The following HIP1 variants were observed in gnomAD, a reference collection of about 807,000 sequenced individuals.
HIP1 encodes the protein huntingtin interacting protein 1.
HIP1 carries 65 observed loss-of-function variants against 147.6 expected under a neutral mutation model. The observed-to-expected ratio is 0.44, with a 90% CI of 0.36 to 0.54. The LOEUF is 0.54. HIP1 is among the 20% of genes least tolerant of loss of function. The pLI, the probability that HIP1 is intolerant of heterozygous loss-of-function variation, is 0.00. For synonymous variants in HIP1, 479 were observed against 504.0 expected (o/e 0.95, Z 0.67); for missense variants, 1,061 against 1,299.6 (o/e 0.82, Z 2.82).
chr7:75,697,806 C>T (rs529776901), intron 1 of HIP1, among the ~76,000 whole-genome samples: 6 of 152,142 alleles, frequency 3.9e-5, no homozygotes, highest in Admixed American at 2.0e-4. Flanking sequence ...AGCGAGACTC[C>T]GTCTCAAAAA....
chr7:75,709,109 C>CTTTTTTT (rs55720152), intron 1 of HIP1, among the ~76,000 whole-genome samples: 2 of 131,438 alleles, frequency 1.5e-5, no homozygotes, highest in Non-Finnish European at 3.2e-5. Flanking sequence ...TTTTTCTTTT[C>CTTTTTTT]TTTTTTTTTT....
At chr7:75,655,801 T>C (rs1182527516) in intron 1 of HIP1, among the ~76,000 whole-genome samples, 1 of 152,010 alleles carries the variant, frequency 6.6e-6, no homozygotes, top group Admixed American at 6.6e-5. Context: ...TAGATGTAAT[T>C]AATGCCACTG....
At chr7:75,738,775 G>A (rs782299530) in intron 1 of HIP1, 26 bp downstream of exon 1, 71 of 1,595,564 alleles carry the variant, frequency 4.4e-5, no homozygotes, top group Middle Eastern at 1.6e-4. Flanking sequence ...GTGCCCCAGG[G>A]ATGCCCCGGG....
At chr7:75,725,208 T>C (rs1801616046) in intron 1 of HIP1, among the ~76,000 whole-genome samples, 1 of 152,072 alleles carries the variant, frequency 6.6e-6, no homozygotes, top group African/African-American at 2.4e-5. Flanking sequence ...AATCTTTTTG[T>C]AGAGACAGGG....
intron 1 of HIP1, among the ~76,000 whole-genome samples, chr7:75,640,944 TG>T (rs1798632100): frequency 6.6e-6 from 1 of 151,972 alleles, no homozygotes; most frequent in Non-Finnish European, 1.5e-5. Context: ...CTGTCAAAGC[TG>T]AGTTCTTATC....
At chr7:75,653,025 C>T (rs1799043554) in intron 1 of HIP1, among the ~76,000 whole-genome samples, 1 of 151,998 alleles carries the variant, frequency 6.6e-6, no homozygotes, top group African/African-American at 2.4e-5. Flanking sequence ...ACAGGGTGCC[C>T]AGATATTTGG....
At chr7:75,573,040 G>C (rs1795704012) in intron 8 of HIP1, among the ~76,000 whole-genome samples, 1 of 152,196 alleles carries the variant, frequency 6.6e-6, no homozygotes, top group South Asian at 2.1e-4. Flanking sequence ...TGGGTGAAAG[G>C]GCGGGTCCCC....
rs1554503109 is a variant in HIP1 at position 75,602,332 on chromosome 7, T to TTTC, written c.121-3086_121-3085insGAA. On this transcript the variant is annotated intron_variant, in intron 1 of 30. Transcript: ENST00000336926. ...TTTTTTTTTTTTTTTTTTTTTTTTT[T>TTTC]CAAAAGAGATAGGGTTTCGCTGTCT... Among the ~76,000 whole-genome samples the TTTC allele has an allele frequency of 6.0e-5, 7 of 116,068 alleles. 2 individuals are homozygous for TTTC. Among genetic ancestry groups the TTTC allele is most frequent in the African/African-American group, 1.0e-4 (3 of 29,938 alleles). The allele number at this position is 116,068 out of a possible 152,430, so 76.1% of individuals were successfully genotyped here.
chr7:75,591,932 C>A, intron 4 of HIP1, 124 bp downstream of exon 4: 5 of 819,774 alleles, frequency 6.1e-6, no homozygotes, highest in Non-Finnish European at 1.1e-5. Flanking sequence ...GTCTCTGGCA[C>A]CCATGGGAGA....
chr7:75,603,523 T>C (rs1797092081), intron 1 of HIP1, among the ~76,000 whole-genome samples: 1 of 152,010 alleles, frequency 6.6e-6, no homozygotes, highest in South Asian at 2.1e-4. Flanking sequence ...AAGAATGACA[T>C]GCGATGCTTC....
At chr7:75,662,561 A>G (rs1799354193) in intron 1 of HIP1, among the ~76,000 whole-genome samples, 1 of 152,126 alleles carries the variant, frequency 6.6e-6, no homozygotes, top group African/African-American at 2.4e-5. Context: ...GCTGGAGTGC[A>G]GTTGCGTGAT....
At chr7:75,555,883 A>G in intron 18 of HIP1, 143 bp downstream of exon 18, 1 of 982,172 alleles carries the variant, frequency 1.0e-6, no homozygotes, top group Non-Finnish European at 1.5e-6. Flanking sequence ...TGCTGGCATT[A>G]CACCTACAGA....
chr7:75,552,815 G>A (rs587764365), intron 22 of HIP1, among the ~76,000 whole-genome samples: 12 of 151,974 alleles, frequency 7.9e-5, no homozygotes, highest in South Asian at 4.1e-4. Flanking sequence ...CTAACAGCCA[G>A]TGAATTAAAT....
intron 29 of HIP1, among the ~76,000 whole-genome samples, chr7:75,539,758 C>T (rs1054125313): frequency 2.2e-4 from 33 of 152,204 alleles, no homozygotes; most frequent in African/African-American, 8.0e-4. Context: ...TTCTCCCATT[C>T]ATTTATCTAT....
intron 8 of HIP1, among the ~76,000 whole-genome samples, chr7:75,571,216 C>T (rs1164250058): frequency 1.3e-5 from 2 of 152,110 alleles, no homozygotes; most frequent in Non-Finnish European, 2.9e-5. Context: ...TGTGCACCAC[C>T]ATGCCCAGCT....
chr7:75,561,038 T>C (rs1795211628), intron 13 of HIP1, among the ~76,000 whole-genome samples: 1 of 151,550 alleles, frequency 6.6e-6, no homozygotes, highest in Admixed American at 6.6e-5. Context: ...CTGCAACCTC[T>C]GCCTCCCAAG....
At position 75,629,700 on chromosome 7, in the gene HIP1, G is replaced by A. The variant is rs587681366; in HGVS notation, c.121-30453C>T. ...TGGGATTACAGGCGTGAGCCACCAC[G>A]CCCAGCTAATTTTGTATTTTTAGTA... On this transcript the variant is annotated intron_variant, in intron 1 of 30. Coordinates refer to ENST00000336926, the MANE Select transcript of HIP1 (RefSeq NM_005338.7). 5.3e-5 allele frequency among the ~76,000 whole-genome samples: 8 copies of A among 152,132 alleles called. No homozygotes were observed. The East Asian group carries it at 5.8e-4, about 11-fold the overall frequency.
chr7:75,709,378 G>C (rs1801099494), intron 1 of HIP1, among the ~76,000 whole-genome samples: 4 of 152,050 alleles, frequency 2.6e-5, no homozygotes, highest in Non-Finnish European at 5.9e-5. Flanking sequence ...CTCCCAAAGT[G>C]CTGGGATTAC....
chr7:75,633,204 A>G (rs1370427376), intron 1 of HIP1, among the ~76,000 whole-genome samples: 2 of 152,178 alleles, frequency 1.3e-5, no homozygotes, highest in Non-Finnish European at 2.9e-5. Flanking sequence ...ACTCATGTGC[A>G]TGCATAAGAT....
Sources: allele counts gnomAD v4.1 joint callset (sites outside exome capture counted in the v4.1 genomes callset), GRCh38; gene constraint gnomAD v4.1.1; transcripts MANE v1.5; gene names NCBI Gene and HGNC (gene_info 2026-07-23, HGNC 2026-07-21).